TBL1XR1: variants seen among roughly 807,000 people sequenced by gnomAD.
TBL1XR1 encodes the protein F-box-like/WD repeat-containing protein TBL1XR1.
In TBL1XR1, 5 loss-of-function variants were observed where a neutral mutation model predicts 66.9. The observed-to-expected ratio is 0.07, with a 90% confidence interval of 0.04 to 0.16. The LOEUF (loss-of-function observed/expected upper bound fraction) is 0.16. Ranked by LOEUF, TBL1XR1 falls within the 10% of genes least tolerant of loss-of-function variation. The pLI is 1.00. For missense variants in TBL1XR1, 238 were observed against 623.2 expected (o/e 0.38, Z 6.58); for synonymous variants, 210 against 206.0 (o/e 1.02, Z -0.17).
At chr3:177,055,545 G>A (rs933018681) in intron 3 of TBL1XR1, among the ~76,000 whole-genome samples, 2 of 150,774 alleles carry the variant, frequency 1.3e-5, no homozygotes, top group Non-Finnish European at 1.5e-5. Context: ...TACCAATCGG[G>A]GGGCGGGGCG....
At chr3:177,031,196 T>C (rs967889578) in intron 14 of TBL1XR1, among the ~76,000 whole-genome samples, 3 of 152,118 alleles carry the variant, frequency 2.0e-5, no homozygotes, top group African/African-American at 7.2e-5. Context: ...TAAACTAAAA[T>C]TTAGGAAAGA....
At chr3:177,053,682 A>C in intron 4 of TBL1XR1, 91 bp downstream of exon 4, 1 of 1,291,562 alleles carries the variant, frequency 7.7e-7, no homozygotes, top group Non-Finnish European at 1.1e-6. Context: ...TGTGAAGCTA[A>C]AGTCAGAATA....
At chr3:177,081,335 A>C (rs1488508656) in intron 2 of TBL1XR1, among the ~76,000 whole-genome samples, 1 of 152,244 alleles carries the variant, frequency 6.6e-6, no homozygotes, top group Non-Finnish European at 1.5e-5. Context: ...CAAATAACAG[A>C]AATCACATGG....
upstream of TBL1XR1, among the ~76,000 whole-genome samples, chr3:177,200,022 G>C (rs1309137161): frequency 2.0e-5 from 3 of 152,006 alleles, no homozygotes; most frequent in Non-Finnish European, 4.4e-5. Context: ...GCCCAGGCTA[G>C]AGTGCAATGG....
Position 177,187,812 on chromosome 3 carries a change from C to T in TBL1XR1, c.-122+9309G>A, listed in dbSNP as rs76357906. The stretch of plus-strand genomic sequence containing the variant: ...CCACATCCGATCTCAGACAAAATAC[C>T]GAAGATATCAAATAGACTGACACCT... On this transcript the variant is annotated intron_variant, in intron 1 of 15. Transcript: ENST00000457928. 3.5e-3 allele frequency among the ~76,000 whole-genome samples: 526 copies of T among 148,640 alleles called. 2 individuals are homozygous for T. Among genetic ancestry groups the T allele is most frequent in the African/African-American group, 0.012 (502 of 40,294 alleles).
chr3:177,047,161 C>A, intron 9 of TBL1XR1, 139 bp downstream of exon 9: 1 of 675,386 alleles, frequency 1.5e-6, no homozygotes, highest in Non-Finnish European at 2.5e-6. Context: ...GCTGATAGAC[C>A]TAAGGAGTAT....
intron 1 of TBL1XR1, among the ~76,000 whole-genome samples, chr3:177,167,495 T>C (rs1266871724): frequency 6.6e-6 from 1 of 152,218 alleles, no homozygotes; most frequent in Non-Finnish European, 1.5e-5. Context: ...GTGATAATGA[T>C]GTCAACTTAG....
intron 3 of TBL1XR1, among the ~76,000 whole-genome samples, chr3:177,057,272 A>G (rs1258822616): frequency 2.6e-5 from 4 of 152,188 alleles, no homozygotes; most frequent in Non-Finnish European, 5.9e-5. Flanking sequence ...CACCAGGGCT[A>G]ACCAGTCTCT....
At chr3:177,101,928 A>G (rs1047840911) in intron 1 of TBL1XR1, among the ~76,000 whole-genome samples, 5 of 152,148 alleles carry the variant, frequency 3.3e-5, no homozygotes, top group African/African-American at 1.2e-4. Context: ...AAATGAGGGT[A>G]CAAATTTGAA....
chr3:177,168,192 A>G (rs1690329363), intron 1 of TBL1XR1, among the ~76,000 whole-genome samples: 1 of 152,256 alleles, frequency 6.6e-6, no homozygotes, highest in Admixed American at 6.5e-5. Flanking sequence ...TCTTCTAATT[A>G]AAGTGTTCAT....
intron 1 of TBL1XR1, among the ~76,000 whole-genome samples, chr3:177,156,812 T>C (rs969585667): frequency 3.3e-5 from 5 of 151,862 alleles, no homozygotes; most frequent in African/African-American, 1.2e-4. Flanking sequence ...AACACAAATA[T>C]CCATCAACTG....
intron 1 of TBL1XR1, chr3:177,131,336 C>T (rs1728270294): frequency 1.0e-6 from 1 of 985,290 alleles, no homozygotes; most frequent in African/African-American, 1.7e-5. Flanking sequence ...AAAGAAATAG[C>T]AAGATGGGAA....
intron 2 of TBL1XR1, among the ~76,000 whole-genome samples, chr3:177,084,444 A>C (rs778627899): frequency 1.3e-5 from 2 of 152,288 alleles, no homozygotes; most frequent in Non-Finnish European, 2.9e-5. Flanking sequence ...TTCAGTCAGC[A>C]TAATGTTTCA....
At chr3:177,058,955 T>C (rs1718163878) in intron 3 of TBL1XR1, among the ~76,000 whole-genome samples, 1 of 152,232 alleles carries the variant, frequency 6.6e-6, no homozygotes, top group Non-Finnish European at 1.5e-5. Flanking sequence ...TATCAGCATT[T>C]ATGACAACTG....
rs1469225259 is a variant in TBL1XR1 at position 177,023,365 on chromosome 3, A to C, written c.*2133T>G. ...TTTTTTTAAACAATAACAGAGGTCAACCACAGATGTGGACCTCCAGCAATA... is the reference window on the plus strand; with the variant it reads ...TTTTTTTAAACAATAACAGAGGTCACCCACAGATGTGGACCTCCAGCAATA... On this transcript the variant is annotated 3_prime_UTR_variant, in exon 16 of 16. Transcript: ENST00000457928. 6.6e-6 allele frequency: 1 copy of C among 152,458 alleles called. No homozygotes were observed. The highest frequency in any genetic ancestry group is 1.5e-5 in the Non-Finnish European group (1 of 67,954). The allele number at this position is 152,458 out of a possible 1,614,324, so 9.4% of individuals were successfully genotyped here.
At chr3:177,143,970 G>C (rs1469165398) in intron 1 of TBL1XR1, among the ~76,000 whole-genome samples, 1 of 152,204 alleles carries the variant, frequency 6.6e-6, no homozygotes, top group African/African-American at 2.4e-5. Context: ...GACATATTCA[G>C]GCCGGGCATG....
intron 1 of TBL1XR1, among the ~76,000 whole-genome samples, chr3:177,118,423 C>T (rs988160697): frequency 3.3e-5 from 5 of 152,028 alleles, no homozygotes; most frequent in Admixed American, 1.3e-4. Context: ...AGTGTGACCA[C>T]GGTATTTTTA....
rs1377137214 is a variant in TBL1XR1, at chr3:177,050,576, A to G, written c.462T>C (p.Asp154=). ...NHTDMMEVDG[D]VEIPPNKAVV... Reference sequence around the variant, plus strand: ...CAGCTTTATTAGGAGGGATTTCAACATCCCCATCCACTTCCATCATATCAG... The same window carrying G: ...CAGCTTTATTAGGAGGGATTTCAACGTCCCCATCCACTTCCATCATATCAG... Residue 154 remains aspartate, a synonymous_variant, in exon 6 of 16, where the codon GAT becomes GAC. Coordinates refer to ENST00000457928, the MANE Select transcript of TBL1XR1 (RefSeq NM_024665.7). 3.7e-6 allele frequency: 6 copies of G among 1,613,824 alleles called. No individual in the cohort carries two copies. Among genetic ancestry groups the G allele is most frequent in the Non-Finnish European group, 5.1e-6 (6 of 1,179,798 alleles).
intron 1 of TBL1XR1, among the ~76,000 whole-genome samples, chr3:177,125,862 A>C (rs1218139270): frequency 6.6e-6 from 1 of 152,212 alleles, no homozygotes; most frequent in Non-Finnish European, 1.5e-5. Context: ...AATGACTTTT[A>C]ATCAAATTAT....
Sources: allele counts gnomAD v4.1 joint callset (sites outside exome capture counted in the v4.1 genomes callset), GRCh38; gene constraint gnomAD v4.1.1; transcripts MANE v1.5; gene names NCBI Gene and HGNC (gene_info 2026-07-23, HGNC 2026-07-21).